PAPPA2: variants seen among roughly 807,000 people sequenced by gnomAD.
The protein encoded by PAPPA2 is pappalysin-2.
PAPPA2 carries 86 observed loss-of-function variants against 176.4 expected under a neutral mutation model. The observed-to-expected ratio is 0.49, with a 90% CI of 0.41 to 0.58. PAPPA2 has a LOEUF of 0.58. PAPPA2 is among the 20% of genes least tolerant of loss of function. The pLI, the probability that PAPPA2 is intolerant of heterozygous loss-of-function variation, is 0.00. For synonymous variants in PAPPA2, 809 were observed against 852.2 expected (o/e 0.95, Z 0.88); for missense variants, 2,073 against 2,256.9 (o/e 0.92, Z 1.65).
intron 3 of PAPPA2, among the ~76,000 whole-genome samples, chr1:176,643,375 C>T (rs573490041): frequency 5.4e-4 from 82 of 150,730 alleles, no homozygotes; most frequent in African/African-American, 1.7e-3. Context: ...TAGCCTTTGC[C>T]GGTCTGCAAG....
intron 3 of PAPPA2, among the ~76,000 whole-genome samples, chr1:176,618,266 T>C (rs757290001): frequency 5.3e-5 from 8 of 152,174 alleles, no homozygotes; most frequent in Non-Finnish European, 1.2e-4. Context: ...GTGTAGTTCA[T>C]ATTCTGAGTC....
chr1:176,656,459 T>C (rs1658037699), intron 3 of PAPPA2, among the ~76,000 whole-genome samples: 1 of 151,834 alleles, frequency 6.6e-6, no homozygotes. Flanking sequence ...AGCAGATTCT[T>C]GGCAAAAACA....
intron 12 of PAPPA2, among the ~76,000 whole-genome samples, chr1:176,738,280 A>G (rs1662511982): frequency 6.6e-6 from 1 of 152,100 alleles, no homozygotes; most frequent in Non-Finnish European, 1.5e-5. Context: ...AAGACACTGT[A>G]AAAAGAGAGA....
intron 3 of PAPPA2, among the ~76,000 whole-genome samples, chr1:176,620,971 T>C (rs1655560975): frequency 6.6e-6 from 1 of 152,102 alleles, no homozygotes; most frequent in South Asian, 2.1e-4. Flanking sequence ...ATGCCAGAGA[T>C]ACCAGCAAAG....
chr1:176,778,809 C>T (rs1455339675), intron 17 of PAPPA2, among the ~76,000 whole-genome samples: 3 of 152,150 alleles, frequency 2.0e-5, no homozygotes, highest in Non-Finnish European at 4.4e-5. Context: ...CCTTGCCTGG[C>T]TTTATAATTA....
At chr1:176,818,613 CT>C (rs5778914) in intron 21 of PAPPA2, among the ~76,000 whole-genome samples, 98,808 of 151,972 alleles carry the variant, frequency 0.65, 33,531 homozygotes, top group African/African-American at 0.86. Flanking sequence ...CACTGCCCCC[CT>C]GGTATGAGCC....
At chr1:176,774,250 C>T (rs1571307899) in intron 17 of PAPPA2, among the ~76,000 whole-genome samples, 1 of 152,092 alleles carries the variant, frequency 6.6e-6, no homozygotes, top group Non-Finnish European at 1.5e-5. Context: ...CCTGTAGCCT[C>T]AGTTACCATC....
intron 3 of PAPPA2, among the ~76,000 whole-genome samples, chr1:176,667,487 A>G (rs1377655478): frequency 6.6e-6 from 1 of 152,062 alleles, no homozygotes; most frequent in Non-Finnish European, 1.5e-5. Flanking sequence ...AGAGAAAACT[A>G]TGTGTTTGAG....
chr1:176,463,651 A>T (rs1651480944), intron 1 of PAPPA2, among the ~76,000 whole-genome samples: 1 of 152,086 alleles, frequency 6.6e-6, no homozygotes, highest in South Asian at 2.1e-4. Context: ...CAGTCTAATA[A>T]CTTGTAACAA....
Position 176,736,404 on chromosome 1 carries a change from A to C in PAPPA2, c.3799-3222A>C, listed in dbSNP as rs144201694. Among the ~76,000 whole-genome samples, 862 of 150,632 alleles carry C rather than the reference A, an allele frequency of 5.7e-3. 9 individuals carry two copies. Among genetic ancestry groups the C allele is most frequent in the East Asian group, 0.024 (123 of 5,146 alleles). ...CCTGTATAAAATGTATTCTCTCTCT[A>C]TATATATGTATGTATTCCTCATTTA... On this transcript the variant is annotated intron_variant, in intron 12 of 22. Coordinates refer to ENST00000367662, the MANE Select transcript of PAPPA2 (RefSeq NM_020318.3).
chr1:176,509,903 G>A (rs535277718), intron 1 of PAPPA2, among the ~76,000 whole-genome samples: 3 of 151,996 alleles, frequency 2.0e-5, no homozygotes, highest in South Asian at 2.1e-4. Flanking sequence ...GCATGGTGAC[G>A]TGTGCCTGTA....
intron 21 of PAPPA2, among the ~76,000 whole-genome samples, chr1:176,820,809 TAAAAG>T (rs1557892462): frequency 6.7e-6 from 1 of 150,358 alleles, no homozygotes; most frequent in African/African-American, 2.5e-5. Context: ...GAAAAAAAAG[TAAAAG>T]AAAAGAAAAG....
chr1:176,812,004 G>A (rs1434222987), intron 21 of PAPPA2, among the ~76,000 whole-genome samples: 3 of 151,784 alleles, frequency 2.0e-5, no homozygotes, highest in Non-Finnish European at 4.4e-5. Flanking sequence ...AACAACATTC[G>A]TGAGAGTTTA....
At chr1:176,602,539 G>A (rs1344947716) in intron 3 of PAPPA2, among the ~76,000 whole-genome samples, 1 of 152,168 alleles carries the variant, frequency 6.6e-6, no homozygotes, top group Non-Finnish European at 1.5e-5. Context: ...GTCAGGCTGG[G>A]CCCTTGCAGT....
intron 3 of PAPPA2, among the ~76,000 whole-genome samples, chr1:176,634,126 A>G (rs1227454123): frequency 2.6e-5 from 4 of 152,224 alleles, no homozygotes; most frequent in East Asian, 1.9e-4. Context: ...TCATGCTGCT[A>G]TAAAGACACA....
chr1:176,757,775 G>T (rs1663498511), intron 14 of PAPPA2, among the ~76,000 whole-genome samples: 1 of 152,110 alleles, frequency 6.6e-6, no homozygotes, highest in Admixed American at 6.6e-5. Flanking sequence ...TGAAGTCCTT[G>T]CCCATGCTTA....
intron 7 of PAPPA2, 131 bp downstream of exon 7, chr1:176,695,990 G>A: frequency 3.6e-6 from 3 of 826,048 alleles, no homozygotes; most frequent in Non-Finnish European, 3.5e-6. Flanking sequence ...GTGTGTGTGT[G>A]TGTGTGTGTG....
At chr1:176,802,190 G>A (rs891852643) in intron 21 of PAPPA2, among the ~76,000 whole-genome samples, 4 of 152,128 alleles carry the variant, frequency 2.6e-5, no homozygotes, top group Non-Finnish European at 4.4e-5. Context: ...CGCCCCAACC[G>A]AGAGTTTGTT....
chr1:176,790,418 A>G lies in PAPPA2; in HGVS notation c.4884+441A>G, dbSNP rs74896048. Among the ~76,000 whole-genome samples the G allele has an allele frequency of 3.2e-3, 485 of 152,328 alleles. 6 individuals are homozygous for G. The highest frequency in any genetic ancestry group is 0.011 in the African/African-American group (467 of 41,570). On this transcript the variant is annotated intron_variant, in intron 18 of 22. Transcript: ENST00000367662. ...TAGGATTTTGGCACAAAAGGTCTCA[A>G]ATGAAAAACACAGTCTTATCTTTGT...
Sources: gnomAD v4.1 joint callset for allele counts (sites outside exome capture counted in the v4.1 genomes callset) on GRCh38, gnomAD v4.1.1 for gene constraint, MANE v1.5 for transcripts, NCBI Gene and HGNC (gene_info 2026-07-23, HGNC 2026-07-21) for gene names.